The following HAUS7 variants were observed in gnomAD, a reference collection of about 807,000 sequenced individuals.
The protein encoded by HAUS7 is HAUS augmin like complex subunit 7.
HAUS7 carries 3 observed loss-of-function variants against 28.4 expected under a neutral mutation model. The observed-to-expected ratio is 0.11, with a 90% CI of 0.05 to 0.27. The LOEUF (loss-of-function observed/expected upper bound fraction) is 0.27. Ranked by LOEUF, HAUS7 falls within the 10% of genes least tolerant of loss-of-function variation. The pLI, the probability that HAUS7 is intolerant of heterozygous loss-of-function variation, is 1.00. For missense variants in HAUS7, 284 were observed against 297.3 expected, an observed-to-expected ratio of 0.96 and a Z score of 0.33; for synonymous variants, 165 against 132.1, an observed-to-expected ratio of 1.25 and a Z score of -1.71.
At chrX:153,468,721 C>T (rs2089483713) in intron 2 of HAUS7, among the ~76,000 whole-genome samples, 1 of 112,088 alleles carries the variant, frequency 8.9e-6, no homozygotes, top group Admixed American at 9.4e-5. Flanking sequence ...GCCAGGAGCC[C>T]ACGCCCTGGC....
chrX:153,488,981 A>G (rs1468507281), intron 1 of HAUS7, among the ~76,000 whole-genome samples: 1 of 112,445 alleles, frequency 8.9e-6, no homozygotes, highest in Non-Finnish European at 1.9e-5. Flanking sequence ...CTGGGGAGGC[A>G]GGGGACTCGC....
upstream of HAUS7, among the ~76,000 whole-genome samples, chrX:153,474,925 G>A (rs1316757614): frequency 1.4e-4 from 16 of 111,656 alleles, no homozygotes; most frequent in South Asian, 5.8e-3. Flanking sequence ...GGCAAGGCCG[G>A]CGGGGCTGAG....
Position 153,486,013 on chromosome X carries a change from T to C in HAUS7, c.-589+9361A>G, listed in dbSNP as rs782453066. On this transcript the variant is annotated intron_variant, in intron 1 of 5. Coordinates refer to the HAUS7 transcript ENST00000370210. ...CCTCGCTGGCGGAGCTGCTCCTGGATCATAACCAGGTGCAGGCCATCCCAC... is the reference window on the plus strand; with the variant it reads ...CCTCGCTGGCGGAGCTGCTCCTGGACCATAACCAGGTGCAGGCCATCCCAC... 100 of 976,860 alleles carry C rather than the reference T, an allele frequency of 1.0e-4. No homozygotes were observed. In the South Asian group the frequency reaches 1.9e-3, roughly 18 times the overall value. 80.5% of individuals were successfully genotyped at this position (976,860 alleles called of 1,213,427 possible). A position where few individuals can be genotyped will look rare whatever the true frequency, so the allele number is the denominator to read the frequency against.
intron 1 of HAUS7, among the ~76,000 whole-genome samples, chrX:153,488,448 G>A (rs1392947261): frequency 1.8e-5 from 2 of 112,903 alleles, no homozygotes; most frequent in African/African-American, 6.4e-5. Flanking sequence ...CCATTCCATG[G>A]CCGATTCCCC....
At chrX:153,455,210 C>T (rs1556981837) in intron 8 of HAUS7, 29 of 419,082 alleles carry the variant, frequency 6.9e-5, no homozygotes, top group Non-Finnish European at 2.6e-5. Flanking sequence ...TATTTTGGAG[C>T]GTAACGTGAC....
In HAUS7 at chrX:153,481,753, G is replaced by GGT. The variant is rs782258697; in HGVS notation, c.-588-10610_-588-10609dup. The GGT allele has an allele frequency of 3.7e-5, 27 of 725,992 alleles. No homozygotes were observed. In the African/African-American group the frequency reaches 6.3e-4, roughly 17 times the overall value. 59.8% of individuals were successfully genotyped at this position (725,992 alleles called of 1,213,427 possible). A position where few individuals can be genotyped will look rare whatever the true frequency, so the allele number is the denominator to read the frequency against. On this transcript the variant is annotated intron_variant, in intron 1 of 5. Transcript: ENST00000370210. ...CTGAGCAGCCCTGTCTGGTGTGGGA[G>GGT]GTACAGAGTGGCAGCGGGCAGGGGG...
intron 1 of HAUS7, chrX:153,486,138 AC>A (rs2089636307): frequency 1.2e-5 from 10 of 832,328 alleles, no homozygotes; most frequent in Non-Finnish European, 1.5e-5. Context: ...GGCCGTCTCC[AC>A]CCCCGCACCC....
chrX:153,467,787 G>A (rs1213899760), intron 2 of HAUS7, among the ~76,000 whole-genome samples: 2 of 112,827 alleles, frequency 1.8e-5, no homozygotes, highest in African/African-American at 6.4e-5. Context: ...CTAAAGAGCC[G>A]GAAATGACAG....
At chrX:153,481,339 G>T (rs1235734492) in intron 1 of HAUS7, 1 of 752,962 alleles carries the variant, frequency 1.3e-6, no homozygotes, top group Non-Finnish European at 1.6e-6. Flanking sequence ...TGACCCAGCA[G>T]GGGCTGTCTC....
intron 9 of HAUS7, 86 bp from the exon 10 acceptor site, chrX:153,447,995 G>C (rs1267252515): frequency 2.7e-6 from 2 of 732,548 alleles, no homozygotes; most frequent in African/African-American, 4.2e-5. Context: ...CGATTCCTCA[G>C]GGATCTAGAA....
intron 7 of HAUS7, 106 bp downstream of exon 7, chrX:153,456,159 C>T: frequency 1.7e-6 from 1 of 596,952 alleles, no homozygotes. Context: ...TAGAACATGT[C>T]AGGCCCGGTG....
chrX:153,484,528 C>A (rs1324194949), intron 1 of HAUS7, among the ~76,000 whole-genome samples: 2 of 94,467 alleles, frequency 2.1e-5, no homozygotes, highest in East Asian at 7.8e-4. Flanking sequence ...GGGTGCCAGG[C>A]GGGAGGCTGA....
chrX:153,461,755 A>G (rs1469580590), intron 4 of HAUS7: 1 of 239,530 alleles, frequency 4.2e-6, no homozygotes, highest in Non-Finnish European at 7.4e-6. Context: ...AGCGAGGACG[A>G]GGAGAAACTG....
At chrX:153,452,636 A>G (rs1022428058) in intron 9 of HAUS7, among the ~76,000 whole-genome samples, 2 of 112,425 alleles carry the variant, frequency 1.8e-5, no homozygotes, top group South Asian at 3.7e-4. Context: ...GTTTTCAGTT[A>G]GGATGCTAAC....
At position 153,456,709 on chromosome X, in the gene HAUS7, C is replaced by G. The variant is rs990733093; in HGVS notation, c.447-58G>C. 7.7e-5 allele frequency: 75 copies of G among 973,556 alleles called. No homozygotes were observed. The Admixed American group carries it at 2.2e-3, about 28-fold the overall frequency. 80.2% of individuals were successfully genotyped at this position (973,556 alleles called of 1,213,427 possible). A position where few individuals can be genotyped will look rare whatever the true frequency, so the allele number is the denominator to read the frequency against. ...CAGGCCAGAGCACTCGCCCAGCAGG[C>G]CCTCAGCCCCACAGGGAAGGCCCCA... On this transcript the variant is annotated intron_variant, in intron 5 of 9. Transcript: ENST00000370211.
intron 3 of HAUS7, chrX:153,462,958 C>G (rs1338000406): frequency 2.3e-5 from 10 of 436,417 alleles, no homozygotes; most frequent in Non-Finnish European, 4.2e-5. Flanking sequence ...GAGGAGTGGA[C>G]AGGGGTCAGT....
At chrX:153,452,791 C>T (rs1273373199) in intron 9 of HAUS7, among the ~76,000 whole-genome samples, 1 of 111,377 alleles carries the variant, frequency 9.0e-6, no homozygotes, top group Non-Finnish European at 1.9e-5. Flanking sequence ...GAGACCAGCC[C>T]GGCCAACATG....
chrX:153,481,811 G>A (rs1556987375), intron 1 of HAUS7: 1 of 753,250 alleles, frequency 1.3e-6, no homozygotes, highest in Non-Finnish European at 1.6e-6. Context: ...TGCGCACAGA[G>A]AATGAAATTG....
intron 1 of HAUS7, chrX:153,481,599 G>A (rs782483677): frequency 1.3e-6 from 1 of 754,596 alleles, no homozygotes; most frequent in East Asian, 1.5e-4. Context: ...TCAAGATGAA[G>A]CATGTCCCTG....
Sources: gnomAD v4.1 joint callset for allele counts (sites outside exome capture counted in the v4.1 genomes callset) on GRCh38, gnomAD v4.1.1 for gene constraint, MANE v1.5 for transcripts, NCBI Gene and HGNC (gene_info 2026-07-23, HGNC 2026-07-21) for gene names.